Variants in ADAMTS9 observed in about 807,000 individuals in gnomAD.
ADAMTS9 encodes A disintegrin and metalloproteinase with thrombospondin motifs 9.
ADAMTS9 carries 107 observed loss-of-function variants against 257.1 expected under a neutral mutation model. The ratio of observed to expected loss-of-function variants is 0.42; its 90% CI spans 0.36 to 0.49. The LOEUF (loss-of-function observed/expected upper bound fraction) is 0.49. Among genes scored for constraint, ADAMTS9 ranks in the 20% least tolerant of loss-of-function variants. ADAMTS9 has a pLI of 0.03. For synonymous variants in ADAMTS9, 982 were observed against 880.9 expected (o/e 1.11, Z -2.03); for missense variants, 2,353 against 2,469.1 (o/e 0.95, Z 1.00).
intron 3 of ADAMTS9, among the ~76,000 whole-genome samples, chr3:64,666,068 C>T (rs1476175091): frequency 5.9e-5 from 9 of 152,052 alleles, no homozygotes; most frequent in Non-Finnish European, 1.2e-4. Context: ...AAAAGGATTA[C>T]AAAAATTTAA....
intron 26 of ADAMTS9, among the ~76,000 whole-genome samples, chr3:64,600,241 T>G (rs2084434591): frequency 6.6e-6 from 1 of 152,170 alleles, no homozygotes. Context: ...GTACAGTTTG[T>G]GTACCATGCA....
At chr3:64,684,035 C>T (rs906946848) in intron 2 of ADAMTS9, among the ~76,000 whole-genome samples, 5 of 151,992 alleles carry the variant, frequency 3.3e-5, no homozygotes, top group African/African-American at 1.2e-4. Context: ...AGTGAGAAGA[C>T]CAAGTAAATT....
At chr3:64,583,506 T>C (rs2084056546) in intron 28 of ADAMTS9, 1 of 152,152 alleles carries the variant, frequency 6.6e-6, no homozygotes, top group African/African-American at 2.4e-5. Context: ...TATTTCCAGA[T>C]TTGGGGTAAG....
At chr3:64,667,396 A>G (rs1701375351) in intron 3 of ADAMTS9, among the ~76,000 whole-genome samples, 1 of 152,218 alleles carries the variant, frequency 6.6e-6, no homozygotes, top group Admixed American at 6.5e-5. Context: ...TTAAGAGGCA[A>G]GTGATGGGGA....
intron 36 of ADAMTS9, 109 bp downstream of exon 36, chr3:64,540,983 CAAT>C: frequency 2.4e-6 from 3 of 1,267,942 alleles, no homozygotes; most frequent in African/African-American, 2.1e-5. Flanking sequence ...AGCCAATGTG[CAAT>C]GTGCAATGTG....
intron 39 of ADAMTS9, among the ~76,000 whole-genome samples, chr3:64,519,545 C>A (rs775839891): frequency 1.3e-4 from 20 of 152,096 alleles, no homozygotes; most frequent in Non-Finnish European, 2.6e-4. Context: ...CATGAAAATC[C>A]TCAACAAAAT....
intron 14 of ADAMTS9, among the ~76,000 whole-genome samples, chr3:64,632,828 C>CAAAA (rs67246847): frequency 1.9e-4 from 24 of 124,356 alleles, no homozygotes; most frequent in African/African-American, 5.2e-4. Flanking sequence ...GGACCACAGG[C>CAAAA]AAAAAAAAAA....
intron 4 of ADAMTS9, 37 bp downstream of exon 4, chr3:64,658,465 G>A: frequency 6.3e-7 from 1 of 1,579,996 alleles, no homozygotes; most frequent in Non-Finnish European, 8.6e-7. Flanking sequence ...GGCACATTTA[G>A]AGACCTCATA....
chr3:64,595,364 T>C (rs1417007781), intron 27 of ADAMTS9, among the ~76,000 whole-genome samples: 1 of 152,176 alleles, frequency 6.6e-6, no homozygotes, highest in Non-Finnish European at 1.5e-5. Flanking sequence ...AGGAACACGT[T>C]GTATTTCTTG....
chr3:64,660,267 A>G (rs1701191546), intron 3 of ADAMTS9, among the ~76,000 whole-genome samples: 1 of 152,218 alleles, frequency 6.6e-6, no homozygotes, highest in Non-Finnish European at 1.5e-5. Context: ...AAAAATAAAA[A>G]TTAAAAACAG....
chr3:64,577,365 T>G (rs181083032), intron 28 of ADAMTS9, among the ~76,000 whole-genome samples: 1 of 152,244 alleles, frequency 6.6e-6, no homozygotes, highest in African/African-American at 2.4e-5. Context: ...GTTTACCGGG[T>G]GATTATTTGT....
Position 64,613,413 on chromosome 3 carries a change from T to TG in ADAMTS9, c.3285dup (p.Lys1096GlnfsTer50), listed in dbSNP as rs2084703934. On this transcript the variant is annotated frameshift_variant, in exon 22 of 40. Coordinates refer to ENST00000498707, the MANE Select transcript of ADAMTS9 (RefSeq NM_182920.2). LOFTEE classifies it high-confidence loss of function. The stretch of plus-strand genomic sequence containing the variant: ...TGACAAGTCTGCATAGATGTTGGCT[T>TG]GGTCTCAGGGTCACACATTCTATCA... 1 of 1,613,954 alleles carries TG rather than the reference T, an allele frequency of 6.2e-7. No homozygotes were observed. The highest frequency in any genetic ancestry group is 1.3e-5 in the African/African-American group (1 of 74,930).
intron 16 of ADAMTS9, among the ~76,000 whole-genome samples, chr3:64,629,569 T>C (rs1398760266): frequency 1.3e-5 from 2 of 152,240 alleles, no homozygotes; most frequent in East Asian, 3.8e-4. Flanking sequence ...AACTCTACTG[T>C]CCACATCTCA....
At position 64,687,527 on chromosome 3, in the gene ADAMTS9, G is replaced by T; in HGVS notation, c.115+16C>A. The T allele has an allele frequency of 1.3e-6, 2 of 1,518,726 alleles. No individual in the cohort carries two copies. Among genetic ancestry groups the T allele is most frequent in the Non-Finnish European group, 1.8e-6 (2 of 1,128,644 alleles). 94.1% of individuals were successfully genotyped at this position (1,518,726 alleles called of 1,614,324 possible). On this transcript the variant is annotated intron_variant, in intron 1 of 39. Transcript: ENST00000498707. This position sits in a 1 kb window ranked among gnomAD's most constrained non-coding sequence, Gnocchi z 4.4. ...CGTCGGGGCCGGCGGGGTCCCGGGG[G>T]CCGGAGCCTGGTTACCTTGCCTCGG...
At position 64,641,935 on chromosome 3, in the gene ADAMTS9, G is replaced by A. The variant is rs868112083; in HGVS notation, c.1769C>T (p.Ser590Phe). The A allele has an allele frequency of 6.2e-7, 1 of 1,614,082 alleles. No individual in the cohort carries two copies. The highest frequency in any genetic ancestry group is 8.5e-7 in the Non-Finnish European group (1 of 1,180,006). ...TCCAAAGGGACTCCAACTTCCCCAGGATCCATCTGTCACGGGGACATCCAT... is the reference window on the plus strand; with the variant it reads ...TCCAAAGGGACTCCAACTTCCCCAGAATCCATCTGTCACGGGGACATCCAT... The part of the protein sequence containing the change: ...KEMDVPVTDG[S>F]WGSWSPFGTC... Residue 590 changes from serine to phenylalanine, a missense_variant, in exon 12 of 40, where the codon TCC becomes TTC. Ser to Phe is a radical substitution (Grantham distance 155). Transcript: ENST00000498707.
chr3:64,658,902 A>T, intron 3 of ADAMTS9, 111 bp from the exon 4 acceptor site: 1 of 1,178,160 alleles, frequency 8.5e-7, no homozygotes, highest in East Asian at 2.4e-5. Flanking sequence ...CTACATACAA[A>T]AACAAGTCCT....
Position 64,686,817 on chromosome 3 carries a change from G to A in ADAMTS9, c.267C>T (p.Ser89=), listed in dbSNP as rs1701924559. ...CCTGGGAGGAGGTAGAGGAGGAAGA[G>A]GAGGAGGCGAAGGCAGGCCAGGGGT... The part of the protein sequence containing the change: ...ATDPWPAFAS[S]SSSSTSSQAH... Residue 89 remains serine (S), a synonymous_variant, in exon 2 of 40, where the codon TCC becomes TCT. Transcript: ENST00000498707. This position sits in a 1 kb window ranked among gnomAD's most constrained non-coding sequence, Gnocchi z 4.6. 1 of 1,613,984 alleles carries A rather than the reference G, an allele frequency of 6.2e-7. No individual in the cohort carries two copies. Among genetic ancestry groups the A allele is most frequent in the Non-Finnish European group, 8.5e-7 (1 of 1,180,014 alleles).
Position 64,631,486 on chromosome 3 carries a change from G to T in ADAMTS9, c.2358C>A (p.Phe786Leu). The part of the protein sequence containing the change: ...ATNIDVRQHS[F>L]SGETDDDNYL... The stretch of plus-strand genomic sequence containing the variant: ...AGTTGTCATCGTCTGTTTCCCCTGA[G>T]AAACTGTGCTGCCGCACATCAATAT... Residue 786 changes from phenylalanine (F) to leucine (L), a missense_variant, in exon 16 of 40, where the codon TTC (phenylalanine) becomes TTA (leucine). Coordinates refer to ENST00000498707, the MANE Select transcript of ADAMTS9 (RefSeq NM_182920.2). 6.2e-7 allele frequency: 1 copy of T among 1,614,104 alleles called. No homozygotes were observed. The highest frequency in any genetic ancestry group is 8.5e-7 in the Non-Finnish European group (1 of 1,179,954).
intron 12 of ADAMTS9, among the ~76,000 whole-genome samples, chr3:64,638,247 G>A (rs539093156): frequency 6.6e-6 from 1 of 152,222 alleles, no homozygotes; most frequent in South Asian, 2.1e-4. Flanking sequence ...TTGATGGACT[G>A]TAACAATTCT....
Sources: gnomAD v4.1 joint callset for allele counts (sites outside exome capture counted in the v4.1 genomes callset) on GRCh38, gnomAD v4.1.1 for gene constraint, Gnocchi (gnomAD v3.1) non-coding constraint, MANE v1.5 for transcripts, NCBI Gene and HGNC (gene_info 2026-07-23, HGNC 2026-07-21) for gene names.